PTPRS: variants seen among roughly 807,000 people sequenced by gnomAD.
PTPRS encodes the protein protein tyrosine phosphatase receptor type S.
PTPRS carries 63 observed loss-of-function variants against 215.3 expected under a neutral mutation model. The observed-to-expected ratio is 0.29, with a 90% CI of 0.24 to 0.36. PTPRS has a LOEUF of 0.36. Ranked by LOEUF, PTPRS falls within the 10% of genes least tolerant of loss-of-function variation. The probability of loss-of-function intolerance (pLI) is 1.00; values close to 1 mark genes in which losing one functional copy is unlikely to be tolerated. For missense variants in PTPRS, 2,258 were observed against 2,825.8 expected (o/e 0.80, Z 4.56); for synonymous variants, 1,404 against 1,191.4 (o/e 1.18, Z -3.68).
rs117078276 is a variant in PTPRS, at chr19:5,216,563, C to A, written c.4096+157G>T. ...GCCACCTGAGGGCCCAATGGACCAA[C>A]CCCCTGCCCTCTTCCAGGAGCCAGC... On this transcript the variant is annotated intron_variant, in intron 26 of 37. Coordinates refer to ENST00000262963, the MANE Select transcript of PTPRS (RefSeq NM_002850.4). Among the ~76,000 whole-genome samples, 554 of 152,198 alleles carry A rather than the reference C, an allele frequency of 3.6e-3. 27 individuals are homozygous for A. The East Asian group carries it at 0.094, about 26-fold the overall frequency.
intron 9 of PTPRS, among the ~76,000 whole-genome samples, chr19:5,247,028 A>G (rs948838671): frequency 6.6e-6 from 1 of 151,606 alleles, no homozygotes; most frequent in Non-Finnish European, 1.5e-5. Context: ...ATGAATGGGG[A>G]GAAAGAGAGA....
Position 5,240,289 on chromosome 19 carries a change from C to T in PTPRS, c.1614G>A (p.Glu538=). Residue 538 remains glutamate, a synonymous_variant, in exon 12 of 38, where the codon GAG becomes GAA. Transcript: ENST00000262963. ...PMNLRAEARS[E]TSITLSWSPP... is the part of the protein sequence containing the mutation. ...GGCTCCAGGACAGCGTGATGCTGGT[C>T]TCCGACCTGGCCTCGGCCCGCAGGT... 6.2e-7 allele frequency: 1 copy of T among 1,602,356 alleles called. No individual in the cohort carries two copies. Among genetic ancestry groups the T allele is most frequent in the Non-Finnish European group, 8.5e-7 (1 of 1,175,774 alleles).
rs116766456 is a variant in PTPRS at position 5,215,314 on chromosome 19, G to A, written c.4293C>T (p.Ser1431=). 2 of 1,614,032 alleles carry A rather than the reference G, an allele frequency of 1.2e-6. No individual in the cohort carries two copies. Among genetic ancestry groups the A allele is most frequent in the African/African-American group, 1.3e-5 (1 of 74,942 alleles). Reference sequence around the variant, plus strand: ...CTTCAATGGGCTGGAGGATGACACGGGAGTGGTCATAGGCGATGACGTTGG... The same window carrying A: ...CTTCAATGGGCTGGAGGATGACACGAGAGTGGTCATAGGCGATGACGTTGG... ...RYANVIAYDH[S]RVILQPIEGI... The change falls in exon 28 of 38, where the codon TCC becomes TCT. Residue 1431 remains serine (S), a synonymous_variant. Coordinates refer to ENST00000262963, the MANE Select transcript of PTPRS (RefSeq NM_002850.4).
At chr19:5,306,960 A>T (rs186185704) in intron 1 of PTPRS, among the ~76,000 whole-genome samples, 5 of 152,324 alleles carry the variant, frequency 3.3e-5, no homozygotes, top group African/African-American at 1.2e-4. Flanking sequence ...TCACGGCAAA[A>T]GGCTTGAAGC....
At chr19:5,263,358 G>T (rs968918030) in intron 5 of PTPRS, among the ~76,000 whole-genome samples, 1 of 152,146 alleles carries the variant, frequency 6.6e-6, no homozygotes, top group Non-Finnish European at 1.5e-5. Flanking sequence ...CTCCACGTCT[G>T]ATCTTTTTGG....
intron 1 of PTPRS, among the ~76,000 whole-genome samples, chr19:5,325,627 C>T (rs1420753605): frequency 6.6e-6 from 1 of 152,222 alleles, no homozygotes; most frequent in Non-Finnish European, 1.5e-5. Flanking sequence ...CTGCCCAAGG[C>T]GTCCCCAAGG....
chr19:5,271,620 T>G (rs10426299), intron 4 of PTPRS, among the ~76,000 whole-genome samples: 138,693 of 151,888 alleles, frequency 0.91, 63,386 homozygotes, highest in African/African-American at 0.96. Flanking sequence ...GGCTGGTCTC[T>G]AAGTCCTGAC....
In PTPRS at chr19:5,222,783, G is replaced by T. The variant is rs752695186; in HGVS notation, c.3009C>A (p.Asp1003Glu). ...CTCGCACTTGGAGGTCATAGGCCGT[G>T]TCGGGCTTCAGGCCCTGCAGCGTGA... ...NALTLQGLKP[D>E]TAYDLQVRAH... The change falls in exon 18 of 38, where the codon GAC (aspartate) becomes GAA (glutamate). Residue 1003 changes from aspartate to glutamate, a missense_variant. Transcript: ENST00000262963. 6.3e-7 allele frequency: 1 copy of T among 1,598,846 alleles called. No individual in the cohort carries two copies. Among genetic ancestry groups the T allele is most frequent in the Non-Finnish European group, 8.5e-7 (1 of 1,178,646 alleles).
intron 33 of PTPRS, among the ~76,000 whole-genome samples, chr19:5,211,366 T>C (rs1224265284): frequency 6.6e-6 from 1 of 152,154 alleles, no homozygotes; most frequent in Non-Finnish European, 1.5e-5. Flanking sequence ...GAACCACTGA[T>C]AGAACAGATG....
intron 2 of PTPRS, among the ~76,000 whole-genome samples, chr19:5,279,073 C>A (rs2146720637): frequency 6.6e-6 from 1 of 151,826 alleles, no homozygotes; most frequent in Non-Finnish European, 1.5e-5. Flanking sequence ...GTAATCCCCG[C>A]TACTCAGGAG....
intron 24 of PTPRS, 22 bp from the exon 25 acceptor site, chr19:5,218,554 C>T: frequency 6.2e-7 from 1 of 1,609,948 alleles, no homozygotes; most frequent in Non-Finnish European, 8.5e-7. Flanking sequence ...GCAAGCGGAA[C>T]AGTCCAGTTA....
chr19:5,215,377 A>T lies in PTPRS; in HGVS notation c.4230T>A (p.His1410Gln). ...IDPGQQFTWEHSNLEVNKPKN... is the reference protein window; with the variant it reads ...IDPGQQFTWEQSNLEVNKPKN... ...TCGGCTTGTTCACTTCCAGGTTGGA[A>T]TGTTCCCATGTGAACTGCTGTCCAG... Residue 1410 changes from histidine (H) to glutamine (Q), a missense_variant, in exon 28 of 38, where the codon CAT (histidine) becomes CAA (glutamine). His to Gln is a conservative substitution (Grantham distance 24). Transcript: ENST00000262963. The T allele has an allele frequency of 6.2e-7, 1 of 1,611,258 alleles. No homozygotes were observed. Among genetic ancestry groups the T allele is most frequent in the East Asian group, 2.2e-5 (1 of 44,652 alleles).
At chr19:5,269,454 G>A (rs1343444816) in intron 4 of PTPRS, among the ~76,000 whole-genome samples, 1 of 152,076 alleles carries the variant, frequency 6.6e-6, no homozygotes, top group East Asian at 1.9e-4. Context: ...GAGTGGCCCT[G>A]GCAGTCCAGA....
At position 5,216,838 on chromosome 19, in the gene PTPRS, C is replaced by G. The variant is rs1198218796; in HGVS notation, c.4049-71G>C. 3.9e-6 allele frequency: 4 copies of G among 1,013,442 alleles called. No individual in the cohort carries two copies. The South Asian group carries it at 4.2e-5, about 11-fold the overall frequency. 62.8% of individuals were successfully genotyped at this position (1,013,442 alleles called of 1,614,324 possible). ...GGGGGGGTCCCACCTCTGCCTCCCCCACCCCTCACTGGCTGGCGGATGCAA... is the reference window on the plus strand; with the variant it reads ...GGGGGGGTCCCACCTCTGCCTCCCCGACCCCTCACTGGCTGGCGGATGCAA... On this transcript the variant is annotated intron_variant, in intron 25 of 37. Coordinates refer to ENST00000262963, the MANE Select transcript of PTPRS (RefSeq NM_002850.4).
At chr19:5,240,155 G>A in intron 12 of PTPRS, 44 bp downstream of exon 12, 1 of 1,467,492 alleles carries the variant, frequency 6.8e-7, no homozygotes, top group Non-Finnish European at 9.0e-7. Flanking sequence ...GAGAGCGCCG[G>A]GGAGGAGCCC....
intron 4 of PTPRS, among the ~76,000 whole-genome samples, chr19:5,271,761 G>C (rs149093883): frequency 6.6e-6 from 1 of 151,510 alleles, no homozygotes; most frequent in East Asian, 2.0e-4. Context: ...TTTCGCTCTT[G>C]TCGCCCAGGC....
chr19:5,277,866 G>C (rs1325881830), intron 2 of PTPRS: 5 of 916,872 alleles, frequency 5.5e-6, no homozygotes, highest in African/African-American at 1.6e-5. Flanking sequence ...TTGACAACAG[G>C]GTTCGCAGAA....
chr19:5,271,617 C>A (rs1388487262), intron 4 of PTPRS, among the ~76,000 whole-genome samples: 1 of 152,084 alleles, frequency 6.6e-6, no homozygotes, highest in East Asian at 1.9e-4. Flanking sequence ...CCAGGCTGGT[C>A]TCTAAGTCCT....
At chr19:5,296,281 C>A (rs1014519172) in intron 1 of PTPRS, among the ~76,000 whole-genome samples, 1 of 152,102 alleles carries the variant, frequency 6.6e-6, no homozygotes, top group African/African-American at 2.4e-5. Flanking sequence ...GAGGGAGGAT[C>A]GCCTGAGGCC....
Sources: allele counts gnomAD v4.1 joint callset (sites outside exome capture counted in the v4.1 genomes callset), GRCh38; gene constraint gnomAD v4.1.1; transcripts MANE v1.5; gene names NCBI Gene and HGNC (gene_info 2026-07-23, HGNC 2026-07-21).